VSTM4: variants seen among roughly 807,000 people sequenced by gnomAD.
VSTM4 encodes the protein V-set and transmembrane domain-containing protein 4.
In VSTM4, 20 loss-of-function variants were observed where a neutral mutation model predicts 36.4. That is an observed-to-expected ratio of 0.55 (90% CI 0.39 to 0.80). The LOEUF (loss-of-function observed/expected upper bound fraction) is 0.80, where lower values mean the gene tolerates loss of function less well. VSTM4 is among the 30% of genes least tolerant of loss of function. VSTM4 has a pLI of 0.00. For synonymous variants in VSTM4, 182 were observed against 173.9 expected, an observed-to-expected ratio of 1.05 and a Z score of -0.37; for missense variants, 392 against 404.5, an observed-to-expected ratio of 0.97 and a Z score of 0.26.
intron 7 of VSTM4, among the ~76,000 whole-genome samples, chr10:49,026,548 C>T (rs909832834): frequency 2.0e-5 from 3 of 152,186 alleles, no homozygotes; most frequent in Non-Finnish European, 4.4e-5. Context: ...AGTCACACTC[C>T]CAGGGCTAAG....
At position 49,019,911 on chromosome 10, in the gene VSTM4, G is replaced by A. The variant is rs370153845; in HGVS notation, c.838-136C>T. ...GGATAAGTGGACAAGAAATTTAAGA[G>A]GCTACATAATATCCAATAACATAAT... On this transcript the variant is annotated intron_variant, in intron 7 of 7. Transcript: ENST00000332853. The A allele has an allele frequency of 1.9e-5, 22 of 1,133,854 alleles. No individual in the cohort carries two copies. The East Asian group carries it at 5.3e-4, about 28-fold the overall frequency. The allele number at this position is 1,133,854 out of a possible 1,614,324, so 70.2% of individuals were successfully genotyped here.
At chr10:49,067,205 T>C (rs1008131367) in intron 4 of VSTM4, among the ~76,000 whole-genome samples, 1 of 125,704 alleles carries the variant, frequency 8.0e-6, no homozygotes, top group Non-Finnish European at 1.5e-5. Context: ...AACAAAAAAA[T>C]GATTGAGTGC....
intron 1 of VSTM4, among the ~76,000 whole-genome samples, chr10:49,109,606 A>G (rs4073711): frequency 0.45 from 68,879 of 151,656 alleles, 16,324 homozygotes; most frequent in African/African-American, 0.61. Context: ...TTGTCATATA[A>G]CGTTCCATTC....
intron 7 of VSTM4, among the ~76,000 whole-genome samples, chr10:49,035,998 G>A (rs574528764): frequency 6.6e-6 from 1 of 152,326 alleles, no homozygotes; most frequent in South Asian, 2.1e-4. Flanking sequence ...GCAGGCAGTA[G>A]AGGGGCCTTG....
intron 5 of VSTM4, among the ~76,000 whole-genome samples, chr10:49,051,390 CT>C (rs796786621): frequency 0.14 from 17,993 of 130,616 alleles, 562 homozygotes; most frequent in African/African-American, 0.22. Context: ...CAGCTCATTT[CT>C]TTTTTTTTTT....
rs921033277 is a variant in VSTM4, at chr10:49,082,862, G to A, written c.526+3093C>T. 2.0e-5 allele frequency among the ~76,000 whole-genome samples: 3 copies of A among 152,232 alleles called. 1 individual carries two copies. Among genetic ancestry groups the A allele is most frequent in the Admixed American group, 6.5e-5 (1 of 15,288 alleles). On this transcript the variant is annotated intron_variant, in intron 3 of 7. Transcript: ENST00000332853. Reference sequence around the variant, plus strand: ...ATGTAGAAAATGCCCAGGCCTCCCTGAAGCAGATGGCAGGGCTGGCAGGCT... The same window carrying A: ...ATGTAGAAAATGCCCAGGCCTCCCTAAAGCAGATGGCAGGGCTGGCAGGCT...
intron 5 of VSTM4, among the ~76,000 whole-genome samples, chr10:49,055,612 T>A (rs1050911857): frequency 2.0e-5 from 3 of 152,218 alleles, no homozygotes; most frequent in African/African-American, 7.2e-5. Flanking sequence ...GGGAGTTTCC[T>A]AATGTCTTGC....
intron 7 of VSTM4, among the ~76,000 whole-genome samples, chr10:49,041,588 T>C (rs1564570501): frequency 6.6e-6 from 1 of 152,202 alleles, no homozygotes; most frequent in African/African-American, 2.4e-5. Flanking sequence ...TTGAATCTGA[T>C]ATTTTTTTAG....
chr10:49,025,824 G>A (rs1843252156), intron 7 of VSTM4, among the ~76,000 whole-genome samples: 1 of 152,218 alleles, frequency 6.6e-6, no homozygotes, highest in Non-Finnish European at 1.5e-5. Context: ...AGTCAGCTGA[G>A]CACACAGAGG....
intron 2 of VSTM4, among the ~76,000 whole-genome samples, chr10:49,106,885 C>T (rs1326397246): frequency 6.6e-6 from 1 of 152,216 alleles, no homozygotes; most frequent in Non-Finnish European, 1.5e-5. Flanking sequence ...ATGCCTATGC[C>T]TACGATGACC....
chr10:49,069,115 C>T (rs929611831), intron 4 of VSTM4, among the ~76,000 whole-genome samples: 16 of 152,094 alleles, frequency 1.1e-4, no homozygotes, highest in Non-Finnish European at 2.1e-4. Flanking sequence ...AGCCTGAAGG[C>T]TCTGTCTTCC....
At chr10:49,054,980 C>T (rs1263436993) in intron 5 of VSTM4, among the ~76,000 whole-genome samples, 1 of 152,184 alleles carries the variant, frequency 6.6e-6, no homozygotes, top group African/African-American at 2.4e-5. Flanking sequence ...CAAATCAAAA[C>T]ACTTCTTTGA....
intron 1 of VSTM4, 92 bp downstream of exon 1, chr10:49,115,339 G>A (rs1844975409): frequency 1.1e-6 from 1 of 872,662 alleles, no homozygotes; most frequent in Non-Finnish European, 1.4e-6. Flanking sequence ...GGAGGTGGCA[G>A]GGCCTCCCCA....
intron 2 of VSTM4, among the ~76,000 whole-genome samples, chr10:49,098,194 A>G (rs982251686): frequency 6.6e-6 from 1 of 152,114 alleles, no homozygotes; most frequent in African/African-American, 2.4e-5. Context: ...ATGCCCCCAC[A>G]GTGCTGGGCA....
At chr10:49,019,845 C>T in intron 7 of VSTM4, 70 bp from the exon 8 acceptor site, 2 of 1,539,384 alleles carry the variant, frequency 1.3e-6, no homozygotes, top group Non-Finnish European at 1.8e-6. Flanking sequence ...CACATTCATT[C>T]ATCAAGTATG....
chr10:49,064,719 T>C lies in VSTM4; in HGVS notation c.652A>G (p.Lys218Glu), dbSNP rs766435233. 3.6e-5 allele frequency: 58 copies of C among 1,613,182 alleles called. No individual in the cohort carries two copies. The highest frequency in any genetic ancestry group is 4.7e-5 in the Non-Finnish European group (55 of 1,179,718). Residue 218 changes from lysine to glutamate, a missense_variant, in exon 5 of 8, where the codon AAA (lysine) becomes GAA (glutamate). Physicochemically the swap from Lys to Glu is moderately conservative, Grantham distance 56. Transcript: ENST00000332853. Reference sequence around the variant, plus strand: ...TATTCTTACCTGTTCTGAGGGCATTTCACCAAATAATGTCTCACTGTGAAA... The same window carrying C: ...TATTCTTACCTGTTCTGAGGGCATTCCACCAAATAATGTCTCACTGTGAAA... ...RKSRVRHYLVKCPQNSSGETV... is the reference protein window; with the variant it reads ...RKSRVRHYLVECPQNSSGETV...
intron 7 of VSTM4, among the ~76,000 whole-genome samples, chr10:49,032,354 T>C (rs1297754782): frequency 6.6e-6 from 1 of 152,184 alleles, no homozygotes; most frequent in Admixed American, 6.5e-5. Context: ...AGTGACTCCG[T>C]AGCTTATTTA....
chr10:49,107,702 G>C lies in VSTM4; in HGVS notation c.349C>G (p.Leu117Val). The C allele has an allele frequency of 6.2e-7, 1 of 1,614,236 alleles. No individual in the cohort carries two copies. The highest frequency in any genetic ancestry group is 8.5e-7 in the Non-Finnish European group (1 of 1,180,042). The change falls in exon 2 of 8, where the codon CTG becomes GTG. Residue 117 changes from leucine (L) to valine (V), a missense_variant. Transcript: ENST00000332853. ...TAATGCCCTTGATCGGAGGGCTGCA[G>C]TGTCAAGACGGAGAGCCTGTAGAGC... ...GALYRLSVLT[L>V]QPSDQGHYVC...
At chr10:49,044,732 C>T (rs1191921473) in intron 7 of VSTM4, among the ~76,000 whole-genome samples, 6 of 152,022 alleles carry the variant, frequency 3.9e-5, no homozygotes, top group Non-Finnish European at 8.8e-5. Flanking sequence ...TTTCTTTATC[C>T]ATTCCTTCAT....
Sources: gnomAD v4.1 joint callset for allele counts (sites outside exome capture counted in the v4.1 genomes callset) on GRCh38, gnomAD v4.1.1 for gene constraint, MANE v1.5 for transcripts, NCBI Gene and HGNC (gene_info 2026-07-23, HGNC 2026-07-21) for gene names.